Variants in FANK1 observed in about 807,000 individuals in gnomAD.
FANK1 encodes the protein fibronectin type III and ankyrin repeat domains 1, also known as fibronectin type 3 and ankyrin repeat domains protein 1.
Under a neutral mutation model 45.3 loss-of-function variants are expected in FANK1, and 44 were observed. That is an observed-to-expected ratio of 0.97 (90% CI 0.76 to 1.25). FANK1 has a LOEUF of 1.25. Among genes scored for constraint, FANK1 ranks in the 50% most tolerant of loss-of-function variants. The pLI is 0.00. For synonymous variants in FANK1, 149 were observed against 152.5 expected (o/e 0.98, Z 0.17); for missense variants, 391 against 424.4 (o/e 0.92, Z 0.69).
Position 125,996,565 on chromosome 10 carries a change from T to C in FANK1, c.414T>C (p.Asp138=). The C allele has an allele frequency of 6.2e-7, 1 of 1,614,230 alleles. No individual in the cohort carries two copies. Among genetic ancestry groups the C allele is most frequent in the Non-Finnish European group, 8.5e-7 (1 of 1,180,042 alleles). The change falls in exon 5 of 11, where the codon GAT becomes GAC. Residue 138 remains aspartate (D), a synonymous_variant. Coordinates refer to ENST00000368693, the MANE Select transcript of FANK1 (RefSeq NM_145235.5). ...RILQGGRVKV[D]VPNKFGFTAL... Reference sequence around the variant, plus strand: ...TTTTCCCAAGCCGTGTTAAGGTTGATGTTCCCAATAAGTTTGGCTTTACCG... The same window carrying C: ...TTTTCCCAAGCCGTGTTAAGGTTGACGTTCCCAATAAGTTTGGCTTTACCG...
chr10:125,989,889 C>T (rs1156232464), intron 3 of FANK1, among the ~76,000 whole-genome samples: 6 of 152,270 alleles, frequency 3.9e-5, no homozygotes, highest in East Asian at 1.9e-4. Context: ...ACAGAGACTC[C>T]GGGCAACCCC....
chr10:125,971,790 T>A (rs527927399), intron 1 of FANK1, among the ~76,000 whole-genome samples: 4 of 152,054 alleles, frequency 2.6e-5, no homozygotes, highest in Non-Finnish European at 4.4e-5. Flanking sequence ...GCCGGCTAAT[T>A]TTTTTGTATT....
chr10:125,985,472 A>G (rs1430809567), intron 2 of FANK1, among the ~76,000 whole-genome samples: 4 of 152,166 alleles, frequency 2.6e-5, no homozygotes, highest in African/African-American at 7.2e-5. Context: ...TTTTCTGAAT[A>G]TTTATCTTGG....
chr10:125,970,138 G>C (rs1950406654), intron 1 of FANK1, among the ~76,000 whole-genome samples: 3 of 152,174 alleles, frequency 2.0e-5, no homozygotes, highest in African/African-American at 7.2e-5. Context: ...TGAGCTGTTG[G>C]GTACACCTCC....
chr10:125,967,233 A>G (rs1304164129), intron 1 of FANK1, among the ~76,000 whole-genome samples: 4 of 152,186 alleles, frequency 2.6e-5, no homozygotes, highest in Non-Finnish European at 5.9e-5. Context: ...GCACATGGAA[A>G]GTTAAGGGCA....
At chr10:125,949,175 A>G (rs1589994528) in intron 1 of FANK1, among the ~76,000 whole-genome samples, 1 of 151,844 alleles carries the variant, frequency 6.6e-6, no homozygotes, top group East Asian at 1.9e-4. Flanking sequence ...CTGAATGGGC[A>G]AAAACTGGAA....
At chr10:125,994,724 C>T in intron 3 of FANK1, 2 of 985,348 alleles carry the variant, frequency 2.0e-6, no homozygotes, top group Non-Finnish European at 2.4e-6. Flanking sequence ...TTTATTCTCC[C>T]TCTGCTTGTG....
chr10:125,951,207 T>G (rs1363092785), intron 1 of FANK1, among the ~76,000 whole-genome samples: 4 of 148,574 alleles, frequency 2.7e-5, no homozygotes, highest in Non-Finnish European at 4.5e-5. Flanking sequence ...ACCTGCACAA[T>G]GTGCACATGT....
At chr10:125,979,211 G>A (rs1951040584) in intron 1 of FANK1, among the ~76,000 whole-genome samples, 1 of 152,166 alleles carries the variant, frequency 6.6e-6, no homozygotes, top group Non-Finnish European at 1.5e-5. Context: ...CTGTGGGTCA[G>A]GTTGTTTCCT....
intron 3 of FANK1, among the ~76,000 whole-genome samples, chr10:125,989,960 G>A (rs1437611596): frequency 1.3e-5 from 2 of 152,086 alleles, no homozygotes; most frequent in African/African-American, 2.4e-5. Context: ...TGTCCCCACC[G>A]CCCACAGGCC....
rs187664534 is a variant in FANK1, at chr10:125,920,803, A to G, written c.13+24148A>G. Among the ~76,000 whole-genome samples, 87 of 152,292 alleles carry G rather than the reference A, an allele frequency of 5.7e-4. No individual in the cohort carries two copies. In the East Asian group the frequency reaches 0.015, roughly 26 times the overall value. On this transcript the variant is annotated intron_variant, in intron 1 of 10. Transcript: ENST00000368693. ...TTTAAAAGGTTTAATATGAGTTTATATCTCTAAATATCAGTTTCTAATTTT... is the reference window on the plus strand; with the variant it reads ...TTTAAAAGGTTTAATATGAGTTTATGTCTCTAAATATCAGTTTCTAATTTT...
intron 1 of FANK1, among the ~76,000 whole-genome samples, chr10:125,904,305 G>T (rs546863057): frequency 6.0e-4 from 92 of 152,330 alleles, no homozygotes; most frequent in Admixed American, 5.9e-3. Context: ...TAAGAAGTAT[G>T]TATACCCCTA....
chr10:125,969,623 T>C, intron 1 of FANK1, among the ~76,000 whole-genome samples: 1 of 152,312 alleles, frequency 6.6e-6, no homozygotes, highest in South Asian at 2.1e-4. Context: ...TTTTTCTTTT[T>C]TTTTAAATTT....
chr10:125,899,349 C>T (rs74418361), intron 1 of FANK1, among the ~76,000 whole-genome samples: 11 of 152,074 alleles, frequency 7.2e-5, no homozygotes, highest in African/African-American at 1.9e-4. Flanking sequence ...CGTGAGCCAC[C>T]GTGCCCGGCC....
chr10:125,981,519 AT>A (rs1951217728), intron 2 of FANK1, among the ~76,000 whole-genome samples: 1 of 145,080 alleles, frequency 6.9e-6, no homozygotes, highest in Non-Finnish European at 1.5e-5. Flanking sequence ...AAAAAAAGTT[AT>A]GTTTTTCTTC....
At chr10:125,979,503 CCT>C (rs1951063651) in intron 1 of FANK1, among the ~76,000 whole-genome samples, 2 of 152,160 alleles carry the variant, frequency 1.3e-5, no homozygotes, top group Non-Finnish European at 2.9e-5. Context: ...ATGAGAATAT[CCT>C]CTCCCTATCT....
chr10:125,928,777 C>T (rs1947554071), intron 1 of FANK1, among the ~76,000 whole-genome samples: 1 of 152,164 alleles, frequency 6.6e-6, no homozygotes, highest in Non-Finnish European at 1.5e-5. Context: ...AGGGCCTGCT[C>T]AGGTCTCTTG....
intron 3 of FANK1, among the ~76,000 whole-genome samples, chr10:125,990,422 G>C (rs1424405719): frequency 1.3e-5 from 2 of 152,220 alleles, no homozygotes; most frequent in Non-Finnish European, 2.9e-5. Flanking sequence ...TTGATGGATG[G>C]ATGGGTAATG....
rs1951356979 is a variant in FANK1 at position 125,983,525 on chromosome 10, G to A, written c.191+3187G>A. Among the ~76,000 whole-genome samples, 1 of 152,204 alleles carries A rather than the reference G, an allele frequency of 6.6e-6. No individual in the cohort carries two copies. On this transcript the variant is annotated intron_variant, in intron 2 of 10. Coordinates refer to ENST00000368693, the MANE Select transcript of FANK1 (RefSeq NM_145235.5). The surrounding 1 kb of genome is among the most constrained non-coding windows in gnomAD (Gnocchi z 4.3). ...GGAAAAATTGAGGGCCTGGGGTAGA[G>A]GTGGGGAAGTCTTCACCAAGAAGGT...
Sources: allele counts gnomAD v4.1 joint callset (sites outside exome capture counted in the v4.1 genomes callset), GRCh38; gene constraint gnomAD v4.1.1; non-coding constraint Gnocchi (gnomAD v3.1); transcripts MANE v1.5; gene names NCBI Gene and HGNC (gene_info 2026-07-23, HGNC 2026-07-21).